The following ELMO1 variants were observed in gnomAD, a reference collection of about 807,000 sequenced individuals.
ELMO1 encodes engulfment and cell motility 1, also known as engulfment and cell motility protein 1.
Under a neutral mutation model 98.9 loss-of-function variants are expected in ELMO1, and 26 were observed. That is an observed-to-expected ratio of 0.26 (90% CI 0.19 to 0.36). The LOEUF is 0.36. Among genes scored for constraint, ELMO1 ranks in the 10% least tolerant of loss-of-function variants. ELMO1 has a pLI of 1.00. For synonymous variants in ELMO1, 346 were observed against 346.0 expected (o/e 1.00, Z 0.00); for missense variants, 627 against 935.2 (o/e 0.67, Z 4.30).
Position 37,343,679 on chromosome 7 carries a change from G to A in ELMO1, c.-73-916C>T, listed in dbSNP as rs987245653. ...ATATGTTTAGTAGAGACAAGGTTTC[G>A]CCATGTTGGCCAGGCTGGTCTTGAA... On this transcript the variant is annotated intron_variant, in intron 1 of 21. Coordinates refer to ENST00000310758, the MANE Select transcript of ELMO1 (RefSeq NM_014800.11). Among the ~76,000 whole-genome samples, 10 of 152,038 alleles carry A rather than the reference G, an allele frequency of 6.6e-5. No homozygotes were observed. The East Asian group carries it at 1.5e-3, about 23-fold the overall frequency.
At chr7:36,967,903 C>T (rs144347572) in intron 16 of ELMO1, among the ~76,000 whole-genome samples, 1 of 152,270 alleles carries the variant, frequency 6.6e-6, no homozygotes, top group African/African-American at 2.4e-5. Flanking sequence ...ATTATGCAGG[C>T]ATGATTTTTG....
intron 16 of ELMO1, among the ~76,000 whole-genome samples, chr7:36,983,915 T>C (rs142302769): frequency 4.4e-4 from 67 of 152,242 alleles, no homozygotes; most frequent in Non-Finnish European, 9.1e-4. Context: ...AGCTTTCACA[T>C]TCTTAAAGAG....
intron 1 of ELMO1, among the ~76,000 whole-genome samples, chr7:37,403,878 C>T (rs972058248): frequency 6.6e-6 from 1 of 151,992 alleles, no homozygotes; most frequent in Non-Finnish European, 1.5e-5. Flanking sequence ...ATAGAACATA[C>T]GACACAAAAA....
chr7:37,048,061 A>G (rs1584562967), intron 15 of ELMO1, among the ~76,000 whole-genome samples: 2 of 152,232 alleles, frequency 1.3e-5, no homozygotes, highest in South Asian at 2.1e-4. Flanking sequence ...ATTTACAACA[A>G]AACAGTATTG....
intron 8 of ELMO1, among the ~76,000 whole-genome samples, chr7:37,226,871 C>A (rs1462251818): frequency 1.3e-5 from 2 of 152,124 alleles, no homozygotes; most frequent in Admixed American, 1.3e-4. Context: ...CTTGCCCTGT[C>A]CCACAGAGCT....
At position 37,224,962 on chromosome 7, in the gene ELMO1, C is replaced by A; in HGVS notation, c.618G>T (p.Glu206Asp). 1 of 1,614,142 alleles carries A rather than the reference C, an allele frequency of 6.2e-7. No individual in the cohort carries two copies. Among genetic ancestry groups the A allele is most frequent in the Non-Finnish European group, 8.5e-7 (1 of 1,180,008 alleles). ...SILQRSLAIL[E>D]SMVLNSHDLY... The stretch of plus-strand genomic sequence containing the variant: ...GGTCATGGCTATTGAGCACCATCGA[C>A]TCCAAAATGGCCAAGGACCGCTGCA... Residue 206 changes from glutamate to aspartate, a missense_variant, in exon 9 of 22, where the codon GAG (glutamate) becomes GAT (aspartate). Coordinates refer to ENST00000310758, the MANE Select transcript of ELMO1 (RefSeq NM_014800.11).
At chr7:37,167,666 T>C (rs1428171030) in intron 13 of ELMO1, among the ~76,000 whole-genome samples, 28 of 151,314 alleles carry the variant, frequency 1.9e-4, no homozygotes, top group African/African-American at 3.4e-4. Context: ...GAATATTGGC[T>C]CCCACTCTCT....
chr7:36,920,564 G>A (rs769560517), intron 16 of ELMO1, among the ~76,000 whole-genome samples: 1 of 152,072 alleles, frequency 6.6e-6, no homozygotes, highest in Non-Finnish European at 1.5e-5. Flanking sequence ...TGAAATTCAT[G>A]CATATATATG....
At chr7:37,127,449 C>T (rs1418236480) in intron 14 of ELMO1, among the ~76,000 whole-genome samples, 2 of 152,178 alleles carry the variant, frequency 1.3e-5, no homozygotes, top group African/African-American at 4.8e-5. Flanking sequence ...CTGGAAGAAG[C>T]CTGAGATTTG....
chr7:37,439,205 C>T (rs1430393708), intron 1 of ELMO1, among the ~76,000 whole-genome samples: 1 of 152,328 alleles, frequency 6.6e-6, no homozygotes, highest in East Asian at 1.9e-4. Context: ...GAATGCACTG[C>T]ATCTTTTCCT....
chr7:37,155,503 A>AAAAAAAT (rs61189239), intron 13 of ELMO1, among the ~76,000 whole-genome samples: 2,637 of 131,782 alleles, frequency 0.02, 57 homozygotes, highest in Middle Eastern at 0.036. Context: ...AAAAAAAAAA[A>AAAAAAAT]AAAAAGCAGG....
intron 15 of ELMO1, among the ~76,000 whole-genome samples, chr7:37,049,777 C>G (rs370465022): frequency 2.3e-5 from 3 of 131,054 alleles, no homozygotes; most frequent in African/African-American, 8.4e-5. Context: ...TGTTTTGTTT[C>G]TTTTTTTTTT....
intron 16 of ELMO1, among the ~76,000 whole-genome samples, chr7:36,966,664 A>G (rs1041651197): frequency 6.6e-6 from 1 of 152,256 alleles, no homozygotes; most frequent in Admixed American, 6.5e-5. Context: ...ATTAGCATCA[A>G]TGAATTGAAT....
At chr7:36,890,118 G>A (rs890155615) in intron 17 of ELMO1, among the ~76,000 whole-genome samples, 1 of 152,116 alleles carries the variant, frequency 6.6e-6, no homozygotes, top group Admixed American at 6.5e-5. Context: ...TGAGCTTGGG[G>A]TCAATCAGGC....
intron 15 of ELMO1, among the ~76,000 whole-genome samples, chr7:37,065,755 A>G (rs949024457): frequency 6.6e-6 from 1 of 152,202 alleles, no homozygotes; most frequent in African/African-American, 2.4e-5. Context: ...CGCTCGTGCT[A>G]GTGGACTGGA....
At chr7:37,214,337 AC>A (rs1793160791) in intron 11 of ELMO1, among the ~76,000 whole-genome samples, 2 of 152,194 alleles carry the variant, frequency 1.3e-5, no homozygotes, top group East Asian at 3.8e-4. Context: ...TATCTGAAAG[AC>A]CAATTCTCTT....
intron 15 of ELMO1, among the ~76,000 whole-genome samples, chr7:37,040,226 T>C (rs1216164248): frequency 6.6e-6 from 1 of 152,214 alleles, no homozygotes; most frequent in Non-Finnish European, 1.5e-5. Context: ...CTTAGACACC[T>C]ACCACTAGAC....
chr7:36,937,127 T>TC (rs1264739491), intron 16 of ELMO1, among the ~76,000 whole-genome samples: 1 of 151,904 alleles, frequency 6.6e-6, no homozygotes, highest in African/African-American at 2.4e-5. Context: ...TTAATTTTGC[T>TC]CCCCCCAAAA....
At chr7:37,133,994 T>C (rs1161095350) in intron 13 of ELMO1, among the ~76,000 whole-genome samples, 4 of 152,058 alleles carry the variant, frequency 2.6e-5, no homozygotes, top group South Asian at 2.1e-4. Flanking sequence ...GACATACAAA[T>C]GGACAACAAG....
Sources: allele counts gnomAD v4.1 joint callset (sites outside exome capture counted in the v4.1 genomes callset), GRCh38; gene constraint gnomAD v4.1.1; transcripts MANE v1.5; gene names NCBI Gene and HGNC (gene_info 2026-07-23, HGNC 2026-07-21).